The following FCHSD2 variants were observed in gnomAD, a reference collection of about 807,000 sequenced individuals.
The protein encoded by FCHSD2 is FCH and double SH3 domains 2.
FCHSD2 carries 38 observed loss-of-function variants against 108.1 expected under a neutral mutation model. The ratio of observed to expected loss-of-function variants is 0.35; its 90% CI spans 0.27 to 0.46. The LOEUF (loss-of-function observed/expected upper bound fraction) is 0.46. Among genes scored for constraint, FCHSD2 ranks in the 20% least tolerant of loss-of-function variants. The pLI is 1.00. For missense variants in FCHSD2, 751 were observed against 897.8 expected, an observed-to-expected ratio of 0.84 and a Z score of 2.09; for synonymous variants, 279 against 314.7, an observed-to-expected ratio of 0.89 and a Z score of 1.20.
At chr11:73,045,322 A>C (rs1456403939) in intron 3 of FCHSD2, among the ~76,000 whole-genome samples, 1 of 150,042 alleles carries the variant, frequency 6.7e-6, no homozygotes, top group Non-Finnish European at 1.5e-5. Context: ...TGTTGGTGGG[A>C]CTGTAAACTA....
intron 4 of FCHSD2, among the ~76,000 whole-genome samples, chr11:73,004,470 T>TC (rs1009022264): frequency 1.5e-4 from 23 of 152,330 alleles, no homozygotes; most frequent in African/African-American, 4.6e-4. Context: ...TAACAGTTAC[T>TC]CAGTCCTATA....
intron 5 of FCHSD2, among the ~76,000 whole-genome samples, chr11:72,992,930 C>T (rs911322118): frequency 1.3e-5 from 2 of 152,156 alleles, no homozygotes; most frequent in Non-Finnish European, 2.9e-5. Context: ...AACTAAAGAG[C>T]TTCTGCACAG....
At chr11:73,024,949 T>C (rs975695311) in intron 3 of FCHSD2, among the ~76,000 whole-genome samples, 3 of 152,154 alleles carry the variant, frequency 2.0e-5, no homozygotes, top group African/African-American at 7.2e-5. Context: ...AGATACTATC[T>C]AACACCAGTC....
At chr11:73,134,140 A>C (rs1374892539) in intron 2 of FCHSD2, among the ~76,000 whole-genome samples, 1 of 152,058 alleles carries the variant, frequency 6.6e-6, no homozygotes, top group East Asian at 1.9e-4. Context: ...TACCTCTAAG[A>C]TCTCTTTCTA....
At chr11:73,051,277 T>C (rs1215685076) in intron 3 of FCHSD2, among the ~76,000 whole-genome samples, 4 of 152,270 alleles carry the variant, frequency 2.6e-5, no homozygotes, top group Non-Finnish European at 5.9e-5. Flanking sequence ...ATTGCATTAT[T>C]GCACTTCAGA....
At chr11:72,895,751 T>G (rs1473802295) in intron 10 of FCHSD2, among the ~76,000 whole-genome samples, 2 of 152,212 alleles carry the variant, frequency 1.3e-5, no homozygotes, top group Non-Finnish European at 2.9e-5. Context: ...TCAGTATTGC[T>G]AATTCTAAAA....
At chr11:73,120,163 C>T (rs1179682113) in intron 2 of FCHSD2, among the ~76,000 whole-genome samples, 4 of 151,940 alleles carry the variant, frequency 2.6e-5, no homozygotes, top group Admixed American at 6.6e-5. Flanking sequence ...CTCCCTCCCA[C>T]AACACGTGGG....
At chr11:72,952,659 T>C (rs1303767999) in intron 8 of FCHSD2, among the ~76,000 whole-genome samples, 7 of 152,096 alleles carry the variant, frequency 4.6e-5, no homozygotes, top group Admixed American at 2.6e-4. Flanking sequence ...TTGGTTAAGA[T>C]ACATAAGAGC....
intron 9 of FCHSD2, among the ~76,000 whole-genome samples, chr11:72,920,160 C>T (rs899270184): frequency 6.6e-6 from 1 of 152,020 alleles, no homozygotes; most frequent in Non-Finnish European, 1.5e-5. Context: ...AGACACAACA[C>T]TGAGAAGCAG....
At chr11:73,044,455 C>T (rs1056224120) in intron 3 of FCHSD2, among the ~76,000 whole-genome samples, 2 of 152,000 alleles carry the variant, frequency 1.3e-5, no homozygotes, top group Admixed American at 6.5e-5. Context: ...TGGCACACAC[C>T]TATAGTCCTA....
At chr11:73,027,474 T>A (rs1346213017) in intron 3 of FCHSD2, among the ~76,000 whole-genome samples, 1 of 152,190 alleles carries the variant, frequency 6.6e-6, no homozygotes, top group African/African-American at 2.4e-5. Context: ...TACAGTCATA[T>A]CCAGTCATAA....
Position 73,141,768 on chromosome 11 carries a change from C to T in FCHSD2, c.21+89G>A, listed in dbSNP as rs894478723. The T allele has an allele frequency of 7.2e-6, 10 of 1,395,344 alleles. No individual in the cohort carries two copies. The East Asian group carries it at 1.6e-4, about 22-fold the overall frequency. The allele number at this position is 1,395,344 out of a possible 1,614,324, so 86.4% of individuals were successfully genotyped here. On this transcript the variant is annotated intron_variant, in intron 1 of 19. Transcript: ENST00000409418. Reference sequence around the variant, plus strand: ...AGACGAGGGCGGTCACGGCCCCTTGCGGGAGGGGGAAGGGGCGCAGCGGTC... The same window carrying T: ...AGACGAGGGCGGTCACGGCCCCTTGTGGGAGGGGGAAGGGGCGCAGCGGTC...
intron 2 of FCHSD2, among the ~76,000 whole-genome samples, chr11:73,099,630 A>G (rs1158002161): frequency 6.6e-6 from 1 of 152,246 alleles, no homozygotes; most frequent in Non-Finnish European, 1.5e-5. Context: ...AATGCAGTAA[A>G]ACACTGATAC....
At chr11:72,986,348 T>G (rs1320001833) in intron 6 of FCHSD2, among the ~76,000 whole-genome samples, 1 of 152,140 alleles carries the variant, frequency 6.6e-6, no homozygotes, top group Non-Finnish European at 1.5e-5. Context: ...TAGCTGGGAC[T>G]ACAGGCGCCT....
rs113447165 is a variant in FCHSD2, at chr11:72,838,604, CA to C, written c.*186del. The C allele has an allele frequency of 0.019, 8,524 of 452,348 alleles. No homozygotes were observed. Among genetic ancestry groups the C allele is most frequent in the South Asian group, 0.027 (952 of 35,048 alleles). 28.0% of individuals were successfully genotyped at this position (452,348 alleles called of 1,614,324 possible). A position where few individuals can be genotyped will look rare whatever the true frequency, so the allele number is the denominator to read the frequency against. On this transcript the variant is annotated 3_prime_UTR_variant, in exon 20 of 20. Transcript: ENST00000409418. ...GGAGAAATGACATAGAAAATGACAA[CA>C]AAAAAAAAAGGCACGAAATATTCAA...
intron 11 of FCHSD2, among the ~76,000 whole-genome samples, chr11:72,889,207 C>T (rs1855262896): frequency 6.9e-6 from 1 of 145,372 alleles, no homozygotes; most frequent in Non-Finnish European, 1.5e-5. Flanking sequence ...GTGATCCACC[C>T]ACCTCGGCCT....
intron 8 of FCHSD2, among the ~76,000 whole-genome samples, chr11:72,929,135 A>G (rs919036708): frequency 3.4e-4 from 51 of 152,238 alleles, no homozygotes; most frequent in African/African-American, 1.2e-3. Flanking sequence ...TTGGACATTT[A>G]GGTTGGTTCC....
Position 72,860,370 on chromosome 11 carries a change from T to C in FCHSD2, c.1308+7495A>G, listed in dbSNP as rs551029405. On this transcript the variant is annotated intron_variant, in intron 13 of 19. Transcript: ENST00000409418. The stretch of plus-strand genomic sequence containing the variant: ...AACACATGTAACAGTTACCAAGATA[T>C]ACGTTTATACTGGGTTACAAAACAA... Among the ~76,000 whole-genome samples, 4 of 152,274 alleles carry C rather than the reference T, an allele frequency of 2.6e-5. No individual in the cohort carries two copies. In the East Asian group the frequency reaches 5.8e-4, roughly 22 times the overall value.
chr11:73,074,087 G>A (rs879683583), intron 3 of FCHSD2, among the ~76,000 whole-genome samples: 17 of 151,822 alleles, frequency 1.1e-4, no homozygotes, highest in Non-Finnish European at 1.5e-4. Context: ...GTGTGATATC[G>A]GGAAAAAAAT....
Sources: allele counts gnomAD v4.1 joint callset (sites outside exome capture counted in the v4.1 genomes callset), GRCh38; gene constraint gnomAD v4.1.1; transcripts MANE v1.5; gene names NCBI Gene and HGNC (gene_info 2026-07-23, HGNC 2026-07-21).